The following ELMO1 variants were observed in gnomAD, a reference collection of about 807,000 sequenced individuals.
ELMO1 encodes the protein engulfment and cell motility protein 1.
ELMO1 carries 26 observed loss-of-function variants against 98.9 expected under a neutral mutation model. The observed-to-expected ratio is 0.26, with a 90% CI of 0.19 to 0.36. The LOEUF is 0.36. ELMO1 is among the 10% of genes least tolerant of loss of function. The probability of loss-of-function intolerance (pLI) is 1.00; values close to 1 mark genes in which losing one functional copy is unlikely to be tolerated. For missense variants in ELMO1, 627 were observed against 935.2 expected (o/e 0.67, Z 4.30); for synonymous variants, 346 against 346.0 (o/e 1.00, Z 0.00).
intron 13 of ELMO1, among the ~76,000 whole-genome samples, chr7:37,180,582 G>A (rs1790791132): frequency 6.6e-6 from 1 of 152,106 alleles, no homozygotes. Flanking sequence ...TAAGTGTAAA[G>A]GAAATTTGAT....
chr7:36,926,162 G>A (rs1266146097), intron 16 of ELMO1, among the ~76,000 whole-genome samples: 4 of 152,178 alleles, frequency 2.6e-5, no homozygotes, highest in African/African-American at 9.6e-5. Context: ...AGCTGCCCAA[G>A]GCAAAGAGGT....
At chr7:36,973,738 T>C (rs1790191379) in intron 16 of ELMO1, among the ~76,000 whole-genome samples, 1 of 151,586 alleles carries the variant, frequency 6.6e-6, no homozygotes, top group Non-Finnish European at 1.5e-5. Flanking sequence ...TGCAGGGAGG[T>C]GTGGAGGGAG....
chr7:37,353,712 T>C (rs890721627), intron 1 of ELMO1: 3 of 152,230 alleles, frequency 2.0e-5, no homozygotes, highest in Non-Finnish European at 4.4e-5. Flanking sequence ...ATTGGTTCAT[T>C]TTACAGAGAG....
chr7:37,197,658 G>A (rs141436053), intron 13 of ELMO1, among the ~76,000 whole-genome samples: 132 of 152,354 alleles, frequency 8.7e-4, no homozygotes, highest in African/African-American at 3.0e-3. Context: ...TCAATGGGAA[G>A]CAGGTAACTG....
intron 1 of ELMO1, among the ~76,000 whole-genome samples, chr7:37,406,267 GT>G (rs71554508): frequency 1.2e-3 from 181 of 145,550 alleles, no homozygotes; most frequent in African/African-American, 4.0e-3. Context: ...TTACTCTTTT[GT>G]TTTTTTTTTT....
intron 6 of ELMO1, among the ~76,000 whole-genome samples, chr7:37,256,915 C>T (rs548573911): frequency 3.3e-5 from 5 of 152,260 alleles, no homozygotes; most frequent in African/African-American, 1.2e-4. Flanking sequence ...TTTTAAACCT[C>T]CATTCTCAAT....
intron 2 of ELMO1, among the ~76,000 whole-genome samples, chr7:37,317,045 T>C (rs1483262283): frequency 2.0e-5 from 3 of 152,206 alleles, no homozygotes; most frequent in African/African-American, 2.4e-5. Flanking sequence ...CAGGCTGTTA[T>C]AAAAATTAAA....
chr7:36,977,907 GT>G (rs1415489449), intron 16 of ELMO1, among the ~76,000 whole-genome samples: 1 of 152,162 alleles, frequency 6.6e-6, no homozygotes, highest in Non-Finnish European at 1.5e-5. Context: ...AATAAATGTG[GT>G]TTGTTGAATT....
At chr7:37,093,500 T>A (rs772108111) in intron 15 of ELMO1, among the ~76,000 whole-genome samples, 1 of 152,198 alleles carries the variant, frequency 6.6e-6, no homozygotes, top group Non-Finnish European at 1.5e-5. Context: ...TTCAGAACTA[T>A]GAACTTAGGA....
intron 1 of ELMO1, among the ~76,000 whole-genome samples, chr7:37,442,291 C>A (rs930215619): frequency 6.6e-6 from 1 of 152,188 alleles, no homozygotes. Context: ...AAGAACCGTA[C>A]AAGTAGCCTC....
chr7:37,418,126 G>C (rs1173605099), intron 1 of ELMO1, among the ~76,000 whole-genome samples: 2 of 152,030 alleles, frequency 1.3e-5, no homozygotes, highest in African/African-American at 4.8e-5. Flanking sequence ...CAACATTGCA[G>C]GCTCTCCCCA....
chr7:37,280,755 A>T (rs1797093533), intron 4 of ELMO1, among the ~76,000 whole-genome samples: 1 of 152,154 alleles, frequency 6.6e-6, no homozygotes, highest in East Asian at 1.9e-4. Flanking sequence ...TTCCGGTGGG[A>T]ACGTAAACTA....
intron 1 of ELMO1, among the ~76,000 whole-genome samples, chr7:37,401,357 C>T (rs930015619): frequency 6.6e-6 from 1 of 152,194 alleles, no homozygotes; most frequent in African/African-American, 2.4e-5. Context: ...GAAGGTCACT[C>T]TTACCTTCCC....
At chr7:37,386,042 T>C (rs1029181264) in intron 1 of ELMO1, among the ~76,000 whole-genome samples, 4 of 152,320 alleles carry the variant, frequency 2.6e-5, no homozygotes, top group South Asian at 2.1e-4. Flanking sequence ...GTTAGTTGCC[T>C]GCCTTTTACC....
At position 37,313,436 on chromosome 7, in the gene ELMO1, GCTGATCTCGAACTC is replaced by G. The variant is rs142517694; in HGVS notation, c.192+1400_192+1413del. Among the ~76,000 whole-genome samples the G allele has an allele frequency of 6.8e-3, 1,035 of 152,246 alleles. 14 individuals are homozygous for G. The highest frequency in any genetic ancestry group is 0.024 in the African/African-American group (998 of 41,530). ...GACGGGGTTTCACCATGTTGGCCAG[GCTGATCTCGAACTC>G]CTGACCTCAAGTGATCTGCCGCCCT... On this transcript the variant is annotated intron_variant, in intron 4 of 21. Coordinates refer to ENST00000310758, the MANE Select transcript of ELMO1 (RefSeq NM_014800.11).
intron 15 of ELMO1, among the ~76,000 whole-genome samples, chr7:37,093,160 A>T (rs1784209891): frequency 6.6e-6 from 1 of 151,156 alleles, no homozygotes; most frequent in Non-Finnish European, 1.5e-5. Context: ...ATAATTGGGA[A>T]GCAGGAAAAT....
At chr7:37,170,297 C>T (rs1035848414) in intron 13 of ELMO1, among the ~76,000 whole-genome samples, 1 of 152,246 alleles carries the variant, frequency 6.6e-6, no homozygotes, top group African/African-American at 2.4e-5. Context: ...AGATGGACAG[C>T]AGTCGCAAAG....
At chr7:36,898,419 A>C (rs960892626) in intron 16 of ELMO1, among the ~76,000 whole-genome samples, 3 of 151,906 alleles carry the variant, frequency 2.0e-5, no homozygotes, top group Non-Finnish European at 4.4e-5. Flanking sequence ...GGACCATGTC[A>C]GTGGTGTGTT....
chr7:37,370,665 T>G (rs1250409986), intron 1 of ELMO1, among the ~76,000 whole-genome samples: 1 of 152,006 alleles, frequency 6.6e-6, no homozygotes, highest in African/African-American at 2.4e-5. Flanking sequence ...AAAAAGAAGG[T>G]CAACCTCATT....
Sources: allele counts gnomAD v4.1 joint callset (sites outside exome capture counted in the v4.1 genomes callset), GRCh38; gene constraint gnomAD v4.1.1; transcripts MANE v1.5; gene names NCBI Gene and HGNC (gene_info 2026-07-23, HGNC 2026-07-21).